ARHGAP17: variants seen among roughly 807,000 people sequenced by gnomAD.
ARHGAP17 encodes the protein Rho GTPase activating protein 17, also known as rho GTPase-activating protein 17.
ARHGAP17 carries 57 observed loss-of-function variants against 99.5 expected under a neutral mutation model. That is an observed-to-expected ratio of 0.57 (90% CI 0.46 to 0.71). The LOEUF (loss-of-function observed/expected upper bound fraction) is 0.71. ARHGAP17 is among the 30% of genes least tolerant of loss of function. The probability of loss-of-function intolerance (pLI) is 0.00; values close to 1 mark genes in which losing one functional copy is unlikely to be tolerated. For synonymous variants in ARHGAP17, 417 were observed against 429.6 expected (o/e 0.97, Z 0.36); for missense variants, 1,000 against 1,122.4 (o/e 0.89, Z 1.56).
chr16:24,953,074 T>G (rs1451043398), intron 10 of ARHGAP17, 32 bp from the exon 11 acceptor site: 2 of 1,605,264 alleles, frequency 1.2e-6, no homozygotes, highest in Non-Finnish European at 1.7e-6. Flanking sequence ...CAGCATCAAG[T>G]GCAGGTTGGG....
intron 18 of ARHGAP17, among the ~76,000 whole-genome samples, chr16:24,932,446 G>A (rs980018953): frequency 2.0e-5 from 3 of 152,088 alleles, no homozygotes; most frequent in Non-Finnish European, 4.4e-5. Flanking sequence ...CCTCATTAGG[G>A]CCCCATGGGA....
chr16:24,949,172 T>A (rs1451986443), intron 13 of ARHGAP17: 3 of 390,668 alleles, frequency 7.7e-6, no homozygotes, highest in Non-Finnish European at 1.4e-5. Context: ...AGTGGGAAAA[T>A]GATAAGCCAA....
Position 24,931,320 on chromosome 16 carries a change from G to A in ARHGAP17, c.1979C>T (p.Ser660Phe). The A allele has an allele frequency of 6.6e-7, 1 of 1,522,770 alleles. No homozygotes were observed. Among genetic ancestry groups the A allele is most frequent in the Non-Finnish European group, 8.8e-7 (1 of 1,136,488 alleles). 94.3% of individuals were successfully genotyped at this position (1,522,770 alleles called of 1,614,324 possible). ...HPGGQSSSGT[S>F]QHPPSLSPKP... ...TGGTGACAGACTGGGTGGATGCTGA[G>A]ATGTTCCTGAAGAACTCTGGCCCCC... The change falls in exon 19 of 20, where the codon TCT (serine) becomes TTT (phenylalanine). Residue 660 changes from serine to phenylalanine, a missense_variant. Around this residue, in one of 2 missense-constraint regions of ARHGAP17, gnomAD observed 528 missense variants for 511.4 expected, o/e 1.03. Transcript: ENST00000289968.
At chr16:24,982,909 CA>C (rs1335654156) in intron 1 of ARHGAP17, among the ~76,000 whole-genome samples, 45 of 63,388 alleles carry the variant, frequency 7.1e-4, no homozygotes, top group African/African-American at 1.6e-3. Flanking sequence ...CATCTATAGA[CA>C]AAAAAAAAAC....
chr16:24,974,408 G>A (rs1291605488), intron 3 of ARHGAP17, among the ~76,000 whole-genome samples: 5 of 152,038 alleles, frequency 3.3e-5, no homozygotes, highest in African/African-American at 9.7e-5. Context: ...CAGCCTGGGC[G>A]ACACAGCAAG....
At chr16:25,012,839 G>A (rs1304450776) in intron 1 of ARHGAP17, among the ~76,000 whole-genome samples, 1 of 152,140 alleles carries the variant, frequency 6.6e-6, no homozygotes, top group Non-Finnish European at 1.5e-5. Flanking sequence ...ACAGTCAAAG[G>A]TCAGGCCCAG....
At chr16:24,933,563 G>C (rs2051053195) in intron 18 of ARHGAP17, among the ~76,000 whole-genome samples, 1 of 152,042 alleles carries the variant, frequency 6.6e-6, no homozygotes, top group African/African-American at 2.4e-5. Flanking sequence ...TTCAACCCTG[G>C]AACTCAGAAA....
chr16:24,952,921 T>C lies in ARHGAP17; in HGVS notation c.964+10A>G, dbSNP rs199613437. The C allele has an allele frequency of 1.7e-4, 278 of 1,613,420 alleles. 1 individual carries two copies. Among genetic ancestry groups the C allele is most frequent in the Middle Eastern group, 1.7e-4 (1 of 6,058 alleles). On this transcript the variant is annotated intron_variant, in intron 11 of 19. Coordinates refer to ENST00000289968, the MANE Select transcript of ARHGAP17 (RefSeq NM_001006634.3). ...GGTGACTTGATTTGCAGACACTCTT[T>C]GGCGCTCACCTGCTACAGCATGGGG...
chr16:24,931,301 C>T lies in ARHGAP17; in HGVS notation c.1998G>A (p.Leu666=). 6.5e-7 allele frequency: 1 copy of T among 1,527,764 alleles called. No homozygotes were observed. The allele number at this position is 1,527,764 out of a possible 1,614,324, so 94.6% of individuals were successfully genotyped here. A position where few individuals can be genotyped will look rare whatever the true frequency, so the allele number is the denominator to read the frequency against. Residue 666 remains leucine (L), a synonymous_variant, in exon 19 of 20, where the codon CTG becomes CTA. Transcript: ENST00000289968. ...GGCTTCGGGTGGGTGGCTTTGGTGA[C>T]AGACTGGGTGGATGCTGAGATGTTC... ...SSGTSQHPPS[L]SPKPPTRSPS... is the part of the protein sequence containing the mutation.
chr16:24,921,929 G>A lies in ARHGAP17; in HGVS notation c.2516-1669C>T, dbSNP rs891879291. On this transcript the variant is annotated intron_variant, in intron 19 of 19. Coordinates refer to ENST00000289968, the MANE Select transcript of ARHGAP17 (RefSeq NM_001006634.3). The stretch of plus-strand genomic sequence containing the variant: ...CTAAGCAGAACAGAAGTCAACGAAG[G>A]CAGGGACTGTGTCTGTCTTGTTCAC... Among the ~76,000 whole-genome samples, 43 of 152,232 alleles carry A rather than the reference G, an allele frequency of 2.8e-4. 1 individual carries two copies. Among genetic ancestry groups the A allele is most frequent in the Admixed American group, 2.6e-4 (4 of 15,278 alleles).
intron 5 of ARHGAP17, 103 bp from the exon 6 acceptor site, chr16:24,968,530 C>A: frequency 6.6e-7 from 1 of 1,513,326 alleles, no homozygotes; most frequent in Non-Finnish European, 9.2e-7. Context: ...GGATTTTGTA[C>A]CTTCAATTGA....
At chr16:25,004,771 G>C (rs956062208) in intron 1 of ARHGAP17, among the ~76,000 whole-genome samples, 1 of 152,174 alleles carries the variant, frequency 6.6e-6, no homozygotes, top group Non-Finnish European at 1.5e-5. Flanking sequence ...TAAGGAAGAC[G>C]TCCAAAAAGA....
chr16:24,943,006 G>A (rs968001066), intron 15 of ARHGAP17, among the ~76,000 whole-genome samples: 1 of 152,130 alleles, frequency 6.6e-6, no homozygotes, highest in African/African-American at 2.4e-5. Context: ...CAGTGGTGAG[G>A]GAAAGATGGG....
chr16:24,991,964 GCA>G (rs1412391604), intron 1 of ARHGAP17, among the ~76,000 whole-genome samples: 1 of 152,186 alleles, frequency 6.6e-6, no homozygotes, highest in African/African-American at 2.4e-5. Flanking sequence ...CACTTTGGGG[GCA>G]CAGATAGAAG....
At chr16:24,946,596 A>G (rs1379123798) in intron 14 of ARHGAP17, among the ~76,000 whole-genome samples, 2 of 151,938 alleles carry the variant, frequency 1.3e-5, no homozygotes, top group Non-Finnish European at 2.9e-5. Flanking sequence ...AAACCATCAC[A>G]TGCAAGAAGA....
At chr16:24,964,152 A>G in intron 7 of ARHGAP17, 45 bp downstream of exon 7, 1 of 1,343,914 alleles carries the variant, frequency 7.4e-7, no homozygotes, top group Non-Finnish European at 1.0e-6. Flanking sequence ...TTCATCCCTC[A>G]TTTGCAAAAA....
intron 1 of ARHGAP17, among the ~76,000 whole-genome samples, chr16:24,995,211 G>A (rs1053946607): frequency 6.6e-6 from 1 of 152,184 alleles, no homozygotes. Context: ...AATTCAAGAT[G>A]AGATTTGAGT....
intron 1 of ARHGAP17, among the ~76,000 whole-genome samples, chr16:24,990,240 T>C (rs1004143101): frequency 6.6e-6 from 1 of 152,174 alleles, no homozygotes; most frequent in African/African-American, 2.4e-5. Flanking sequence ...ATCCCGGCAC[T>C]CTGGGAGGCC....
intron 1 of ARHGAP17, among the ~76,000 whole-genome samples, chr16:24,992,624 G>A (rs536831199): frequency 5.6e-4 from 86 of 152,214 alleles, no homozygotes; most frequent in African/African-American, 1.9e-3. Flanking sequence ...GTGAGCCACC[G>A]TGCCTGGCCC....
Sources: gnomAD v4.1 joint callset for allele counts (sites outside exome capture counted in the v4.1 genomes callset) on GRCh38, gnomAD v4.1.1 for gene constraint, gnomAD v4.1.1 regional missense constraint, MANE v1.5 for transcripts, NCBI Gene and HGNC (gene_info 2026-07-23, HGNC 2026-07-21) for gene names.